The following GPC5 variants were observed in gnomAD, a reference collection of about 807,000 sequenced individuals.
GPC5 encodes glypican-5.
In GPC5, 47 loss-of-function variants were observed where a neutral mutation model predicts 53.9. The ratio of observed to expected loss-of-function variants is 0.87; its 90% CI spans 0.69 to 1.11. GPC5 has a LOEUF of 1.11. Among genes scored for constraint, GPC5 ranks in the 50% most tolerant of loss-of-function variants. The pLI is 0.00. For missense variants in GPC5, 748 were observed against 713.1 expected (o/e 1.05, Z -0.56); for synonymous variants, 286 against 263.3 (o/e 1.09, Z -0.84).
intron 7 of GPC5, among the ~76,000 whole-genome samples, chr13:92,526,710 T>A (rs975461611): frequency 2.6e-5 from 4 of 151,860 alleles, no homozygotes; most frequent in African/African-American, 4.8e-5. Context: ...CTTCAGAGGT[T>A]TTAGGAGACT....
At chr13:92,039,377 T>G (rs1421004481) in intron 6 of GPC5, among the ~76,000 whole-genome samples, 1 of 152,230 alleles carries the variant, frequency 6.6e-6, no homozygotes, top group Admixed American at 6.5e-5. Context: ...TCTATAACGT[T>G]GGGATCGGGA....
rs1042124641 is a variant in GPC5 at position 91,616,066 on chromosome 13, G to A, written c.326-77121G>A. On this transcript the variant is annotated intron_variant, in intron 2 of 7. Transcript: ENST00000377067. ...CAGATACTGGTGAAAACAAAAAAAA[G>A]CATTTAAAAAGGCTTGTATTAATCT... 7.2e-5 allele frequency among the ~76,000 whole-genome samples: 11 copies of A among 152,134 alleles called. No homozygotes were observed. In the East Asian group the frequency reaches 7.7e-4, roughly 11 times the overall value.
chr13:91,418,600 G>C (rs1040937744), intron 1 of GPC5, among the ~76,000 whole-genome samples: 3 of 152,180 alleles, frequency 2.0e-5, no homozygotes, highest in African/African-American at 7.2e-5. Flanking sequence ...GGTGAGTGTG[G>C]AAGGAAAGGT....
At chr13:92,360,740 G>T (rs1489975634) in intron 7 of GPC5, among the ~76,000 whole-genome samples, 1 of 151,714 alleles carries the variant, frequency 6.6e-6, no homozygotes, top group East Asian at 1.9e-4. Context: ...CATAGTCTTA[G>T]CCCAAAAGTT....
At chr13:92,758,066 A>G (rs1379139287) in intron 7 of GPC5, among the ~76,000 whole-genome samples, 1 of 150,538 alleles carries the variant, frequency 6.6e-6, no homozygotes, top group African/African-American at 2.5e-5. Context: ...ACAATAGCAA[A>G]GTCTTGGAAC....
intron 7 of GPC5, among the ~76,000 whole-genome samples, chr13:92,521,436 C>A (rs1881042479): frequency 6.6e-6 from 1 of 152,090 alleles, no homozygotes; most frequent in Non-Finnish European, 1.5e-5. Flanking sequence ...GAGACATAGA[C>A]CAATGGAACA....
intron 5 of GPC5, among the ~76,000 whole-genome samples, chr13:91,802,891 A>G (rs1302961531): frequency 6.6e-6 from 1 of 152,202 alleles, no homozygotes; most frequent in African/African-American, 2.4e-5. Flanking sequence ...ATAAAAGAAG[A>G]TAATAATATT....
At position 91,428,733 on chromosome 13, in the gene GPC5, AT is replaced by A. The variant is rs890404979; in HGVS notation, c.164-20017del. On this transcript the variant is annotated intron_variant, in intron 1 of 7. Coordinates refer to ENST00000377067, the MANE Select transcript of GPC5 (RefSeq NM_004466.6). ...TCGAAATTCAAGAAATTTGAAAGGA[AT>A]TTTTTTTTTTGTTAATGTGAAGTTT... Among the ~76,000 whole-genome samples, 587 of 148,148 alleles carry A rather than the reference AT, an allele frequency of 4.0e-3. 4 individuals are homozygous for A. Among genetic ancestry groups the A allele is most frequent in the Middle Eastern group, 7.1e-3 (2 of 282 alleles).
At chr13:91,427,482 C>A (rs900859851) in intron 1 of GPC5, among the ~76,000 whole-genome samples, 2 of 152,146 alleles carry the variant, frequency 1.3e-5, no homozygotes, top group East Asian at 3.9e-4. Flanking sequence ...GGGCCAGTAA[C>A]CTCTTTGTTT....
chr13:91,642,385 A>G (rs902064749), intron 2 of GPC5, among the ~76,000 whole-genome samples: 4 of 152,220 alleles, frequency 2.6e-5, no homozygotes, highest in African/African-American at 9.6e-5. Context: ...AAAACACAAC[A>G]CACACTTAGT....
At chr13:92,740,960 G>GTATATATATATA (rs1555308306) in intron 7 of GPC5, among the ~76,000 whole-genome samples, 4 of 117,758 alleles carry the variant, frequency 3.4e-5, no homozygotes, top group African/African-American at 1.3e-4. Flanking sequence ...ATATGTATGT[G>GTATATATATATA]TATATATATA....
chr13:91,413,345 G>A (rs1877950916), intron 1 of GPC5, among the ~76,000 whole-genome samples: 1 of 150,840 alleles, frequency 6.6e-6, no homozygotes, highest in South Asian at 2.1e-4. Context: ...AAGCAAATAT[G>A]GCCCCACTTA....
chr13:91,456,325 A>G (rs1180621566), intron 2 of GPC5, among the ~76,000 whole-genome samples: 3 of 151,924 alleles, frequency 2.0e-5, no homozygotes, highest in Non-Finnish European at 4.4e-5. Context: ...AATTGAGTTC[A>G]TTTTATATTT....
At chr13:92,125,947 T>G (rs1185657366) in intron 6 of GPC5, among the ~76,000 whole-genome samples, 5 of 79,652 alleles carry the variant, frequency 6.3e-5, no homozygotes, top group East Asian at 3.8e-4. Flanking sequence ...TTTTTTTTTT[T>G]TTTTTTTTTT....
chr13:92,161,352 C>T (rs73620889), intron 7 of GPC5, among the ~76,000 whole-genome samples: 1 of 152,110 alleles, frequency 6.6e-6, no homozygotes, highest in Non-Finnish European at 1.5e-5. Flanking sequence ...TGCCACAGTG[C>T]CTCCAAACAT....
intron 5 of GPC5, among the ~76,000 whole-genome samples, chr13:91,856,304 T>C (rs1369391494): frequency 6.6e-6 from 1 of 151,592 alleles, no homozygotes; most frequent in Non-Finnish European, 1.5e-5. Context: ...TAAAAGCCTT[T>C]TTGTGGGCAT....
chr13:92,745,752 A>G (rs1889225652), intron 7 of GPC5, among the ~76,000 whole-genome samples: 1 of 152,152 alleles, frequency 6.6e-6, no homozygotes, highest in African/African-American at 2.4e-5. Context: ...CAAGTAAAAT[A>G]CTAATCATTT....
intron 7 of GPC5, among the ~76,000 whole-genome samples, chr13:92,568,506 C>A (rs1285967173): frequency 6.6e-6 from 1 of 152,110 alleles, no homozygotes; most frequent in Non-Finnish European, 1.5e-5. Context: ...TTTGTGCCAA[C>A]AGACTATTTA....
intron 7 of GPC5, among the ~76,000 whole-genome samples, chr13:92,301,112 T>A (rs1037583355): frequency 6.6e-6 from 1 of 152,214 alleles, no homozygotes; most frequent in African/African-American, 2.4e-5. Flanking sequence ...GAAATAAAAT[T>A]ATCTGCAAAT....
Sources: gnomAD v4.1 joint callset for allele counts (sites outside exome capture counted in the v4.1 genomes callset) on GRCh38, gnomAD v4.1.1 for gene constraint, MANE v1.5 for transcripts, NCBI Gene and HGNC (gene_info 2026-07-23, HGNC 2026-07-21) for gene names.